PANK2: variants seen among roughly 807,000 people sequenced by gnomAD.
PANK2 encodes pantothenate kinase 2, also known as pantothenate kinase 2, mitochondrial.
A neutral mutation model predicts 43.1 loss-of-function variants in PANK2; 36 were observed. That is an observed-to-expected ratio of 0.84 (90% CI 0.64 to 1.10). The LOEUF (loss-of-function observed/expected upper bound fraction) is 1.10. PANK2 is among the 50% of genes least tolerant of loss of function. The pLI is 0.00. For missense variants in PANK2, 576 were observed against 593.3 expected (o/e 0.97, Z 0.30); for synonymous variants, 281 against 238.2 (o/e 1.18, Z -1.66).
At chr20:3,908,418 G>C (rs2090421556) in intron 2 of PANK2, 140 bp downstream of exon 2, 1 of 860,684 alleles carries the variant, frequency 1.2e-6, no homozygotes, top group Admixed American at 2.3e-5. Context: ...GTACGCTAGT[G>C]ATAGGAGTTG....
chr20:3,896,193 G>A (rs976876146), intron 1 of PANK2, among the ~76,000 whole-genome samples: 1 of 150,208 alleles, frequency 6.7e-6, no homozygotes, highest in African/African-American at 2.5e-5. Flanking sequence ...CTCCTGAGTA[G>A]CTGGGACTAC....
chr20:3,912,190 G>A (rs956230873), intron 3 of PANK2, among the ~76,000 whole-genome samples: 9 of 152,140 alleles, frequency 5.9e-5, no homozygotes, highest in African/African-American at 1.9e-4. Flanking sequence ...AGGCTAATTT[G>A]CACCTGAGGC....
intron 4 of PANK2, among the ~76,000 whole-genome samples, chr20:3,913,750 TTG>T (rs1261525561): frequency 6.8e-6 from 1 of 147,894 alleles, no homozygotes; most frequent in Non-Finnish European, 1.5e-5. Context: ...ATGTAAGTCT[TTG>T]TATGTATGCA....
At chr20:3,889,876 C>T in intron 1 of PANK2, 148 bp downstream of exon 1, 1 of 1,532,772 alleles carries the variant, frequency 6.5e-7, no homozygotes, top group East Asian at 2.4e-5. Flanking sequence ...TGACATCCGG[C>T]TGGAGGCCTC....
chr20:3,889,906 C>G (rs879229599), intron 1 of PANK2, 178 bp downstream of exon 1: 24 of 1,532,166 alleles, frequency 1.6e-5, no homozygotes, highest in Non-Finnish European at 2.1e-5. Context: ...GAAAGCGGTA[C>G]CTTCGGGGGC....
Position 3,893,934 on chromosome 20 carries a change from T to G in PANK2, c.298+4206T>G, listed in dbSNP as rs867482822. The stretch of plus-strand genomic sequence containing the variant: ...GTTTTTTTTTTGTTTGTTTTTTGTT[T>G]TTTTTTTTTTTTTTTTAGAGGAGTT... On this transcript the variant is annotated intron_variant, in intron 1 of 6. Coordinates refer to ENST00000610179, the MANE Select transcript of PANK2 (RefSeq NM_001386393.1). Among the ~76,000 whole-genome samples, 1,283 of 139,536 alleles carry G rather than the reference T, an allele frequency of 9.2e-3. 22 individuals are homozygous for G. The highest frequency in any genetic ancestry group is 0.034 in the African/African-American group (1,212 of 35,934). 91.5% of individuals were successfully genotyped at this position (139,536 alleles called of 152,430 possible).
chr20:3,893,078 G>T (rs2090149939), intron 1 of PANK2, among the ~76,000 whole-genome samples: 1 of 152,162 alleles, frequency 6.6e-6, no homozygotes, highest in Non-Finnish European at 1.5e-5. Context: ...ACACTATGCC[G>T]AGTATTTTAT....
chr20:3,919,056 G>A (rs192214231), intron 6 of PANK2, among the ~76,000 whole-genome samples: 131 of 152,154 alleles, frequency 8.6e-4, no homozygotes, highest in Non-Finnish European at 1.2e-3. Context: ...ACAAGTGTGC[G>A]CCCCCACACC....
Position 3,909,280 on chromosome 20 carries a change from A to G in PANK2, c.651+1002A>G, listed in dbSNP as rs180998730. ...TTTTTAGTAGAGACAGGGTTTCTCCATGTTGGTCAGGCTGGTCTCGAACTC... is the reference window on the plus strand; with the variant it reads ...TTTTTAGTAGAGACAGGGTTTCTCCGTGTTGGTCAGGCTGGTCTCGAACTC... On this transcript the variant is annotated intron_variant, in intron 2 of 6. Transcript: ENST00000610179. Among the ~76,000 whole-genome samples the G allele has an allele frequency of 4.9e-3, 744 of 152,238 alleles. 5 individuals carry two copies. Among genetic ancestry groups the G allele is most frequent in the Middle Eastern group, 0.014 (4 of 294 alleles).
chr20:3,922,972 C>T (rs1289449592), intron 6 of PANK2, among the ~76,000 whole-genome samples: 1 of 152,208 alleles, frequency 6.6e-6, no homozygotes, highest in Non-Finnish European at 1.5e-5. Flanking sequence ...CTGCTGGCCT[C>T]ATAGCTCCTG....
rs1480663498 is a variant in PANK2, at chr20:3,926,822, A to G, written c.*3528A>G. ...GCCGGGAATGGTGGTGCGTGCCTGT[A>G]ATCCCAGGTACTCGAGAGGCTGAGG... On this transcript the variant is annotated 3_prime_UTR_variant, in exon 7 of 7. Coordinates refer to ENST00000610179, the MANE Select transcript of PANK2 (RefSeq NM_001386393.1). 1 of 152,118 alleles carries G rather than the reference A, an allele frequency of 6.6e-6. No homozygotes were observed. The highest frequency in any genetic ancestry group is 1.5e-5 in the Non-Finnish European group (1 of 68,102). 9.4% of individuals were successfully genotyped at this position (152,118 alleles called of 1,614,324 possible).
At chr20:3,899,466 C>T (rs1471319156) in intron 1 of PANK2, among the ~76,000 whole-genome samples, 1 of 151,070 alleles carries the variant, frequency 6.6e-6, no homozygotes, top group East Asian at 2.0e-4. Context: ...CCATTACATC[C>T]GGCTGTTTTT....
chr20:3,910,442 A>G, intron 2 of PANK2, 135 bp from the exon 3 acceptor site: 4 of 1,017,710 alleles, frequency 3.9e-6, no homozygotes, highest in Middle Eastern at 2.6e-4. Flanking sequence ...TCTGTTCTGT[A>G]AAGCATGCAC....
At chr20:3,890,600 G>T (rs148875657) in intron 1 of PANK2, among the ~76,000 whole-genome samples, 91 of 152,266 alleles carry the variant, frequency 6.0e-4, no homozygotes, top group Admixed American at 1.8e-3. Flanking sequence ...TTTTACATAT[G>T]GTTGGACTTT....
Position 3,915,224 on chromosome 20 carries a change from C to A in PANK2, c.1083-1703C>A, listed in dbSNP as rs1042373957. On this transcript the variant is annotated intron_variant, in intron 4 of 6. Transcript: ENST00000610179. ...CATGAAGAATTGCCTAATTTAAGAT[C>A]ATGAAGAATTGTTTATTTTCTTTTA... Among the ~76,000 whole-genome samples the A allele has an allele frequency of 2.6e-5, 3 of 116,916 alleles. No individual in the cohort carries two copies. In the East Asian group the frequency reaches 8.9e-4, roughly 35 times the overall value. 76.7% of individuals were successfully genotyped at this position (116,916 alleles called of 152,430 possible). A position where few individuals can be genotyped will look rare whatever the true frequency, so the allele number is the denominator to read the frequency against.
At chr20:3,889,770 C>G (rs3737086) in intron 1 of PANK2, 42 bp downstream of exon 1, 93 of 1,574,578 alleles carry the variant, frequency 5.9e-5, no homozygotes, top group Non-Finnish European at 7.6e-5. Context: ...GCCCTGCCCC[C>G]CCTTCCGGCC....
In PANK2 at chr20:3,898,596, TC is replaced by T. The variant is rs553561585; in HGVS notation, c.298+8869del. ...TCCTATTGGTTTCTATATATTGTAT[TC>T]TCACTGTCATTCATTTAAAAATAAA... is the stretch of plus-strand genomic sequence containing the variant. On this transcript the variant is annotated intron_variant, in intron 1 of 6. Coordinates refer to ENST00000610179, the MANE Select transcript of PANK2 (RefSeq NM_001386393.1). Among the ~76,000 whole-genome samples, 846 of 152,228 alleles carry T rather than the reference TC, an allele frequency of 5.6e-3. 7 individuals are homozygous for T. The highest frequency in any genetic ancestry group is 0.019 in the African/African-American group (782 of 41,580).
At chr20:3,917,998 G>A (rs1177606478) in intron 5 of PANK2, among the ~76,000 whole-genome samples, 2 of 151,996 alleles carry the variant, frequency 1.3e-5, no homozygotes, top group South Asian at 2.1e-4. Context: ...CTCATAACTC[G>A]GCAGTAAGCA....
At chr20:3,918,893 CTGCAGTGTTTCTTT>C in intron 6 of PANK2, 97 bp downstream of exon 6, 2 of 1,583,940 alleles carry the variant, frequency 1.3e-6, no homozygotes, top group South Asian at 2.2e-5. Flanking sequence ...GTGAAATGGG[CTGCAGTGTTTCTTT>C]TGTTTTTTGT....
Sources: gnomAD v4.1 joint callset for allele counts (sites outside exome capture counted in the v4.1 genomes callset) on GRCh38, gnomAD v4.1.1 for gene constraint, MANE v1.5 for transcripts, NCBI Gene and HGNC (gene_info 2026-07-23, HGNC 2026-07-21) for gene names.